CELF4: variants seen among roughly 807,000 people sequenced by gnomAD.
The protein encoded by CELF4 is CUG-BP- and ETR-3-like factor 4.
CELF4 carries 18 observed loss-of-function variants against 59.9 expected under a neutral mutation model. That is an observed-to-expected ratio of 0.30 (90% CI 0.21 to 0.45). The LOEUF is 0.45. Among genes scored for constraint, CELF4 ranks in the 20% least tolerant of loss-of-function variants. The probability of loss-of-function intolerance (pLI) is 1.00; values close to 1 mark genes in which losing one functional copy is unlikely to be tolerated. For missense variants in CELF4, 456 were observed against 689.0 expected (o/e 0.66, Z 3.79); for synonymous variants, 261 against 267.1 (o/e 0.98, Z 0.22).
At chr18:37,255,263 C>T (rs374911439) in intron 11 of CELF4, among the ~76,000 whole-genome samples, 1 of 151,954 alleles carries the variant, frequency 6.6e-6, no homozygotes, top group Non-Finnish European at 1.5e-5. Context: ...GTCTGTGGTA[C>T]CTCGGGCCTG....
chr18:37,559,336 A>G (rs1434192020), intron 1 of CELF4, among the ~76,000 whole-genome samples: 1 of 151,926 alleles, frequency 6.6e-6, no homozygotes, highest in African/African-American at 2.4e-5. Context: ...TCCAACACCC[A>G]CACAGGCTGC....
At chr18:37,353,530 A>G (rs1056805772) in intron 2 of CELF4, among the ~76,000 whole-genome samples, 5 of 151,004 alleles carry the variant, frequency 3.3e-5, no homozygotes, top group African/African-American at 1.2e-4. Context: ...GGCATGGGGG[A>G]AGAACTGTGG....
chr18:37,353,278 AG>A (rs937618071), intron 2 of CELF4, among the ~76,000 whole-genome samples: 2 of 149,564 alleles, frequency 1.3e-5, no homozygotes, highest in Non-Finnish European at 3.0e-5. Context: ...TGGGGGGCTT[AG>A]GGACCAGGGG....
chr18:37,381,424 C>G (rs1346593087), intron 2 of CELF4, among the ~76,000 whole-genome samples: 1 of 152,024 alleles, frequency 6.6e-6, no homozygotes, highest in Non-Finnish European at 1.5e-5. Context: ...TTCTGAACTC[C>G]CAGAATGCTG....
intron 3 of CELF4, among the ~76,000 whole-genome samples, chr18:37,309,011 G>A (rs910977774): frequency 2.0e-5 from 3 of 152,152 alleles, no homozygotes; most frequent in Admixed American, 6.5e-5. Context: ...ACCTGGCTGG[G>A]CTTTGACCTG....
chr18:37,294,460 A>G (rs1251122004), intron 3 of CELF4, among the ~76,000 whole-genome samples: 1 of 152,110 alleles, frequency 6.6e-6, no homozygotes, highest in Non-Finnish European at 1.5e-5. Flanking sequence ...CCCTGCTCCT[A>G]TGCATGGGTC....
chr18:37,452,677 TC>T, intron 2 of CELF4, among the ~76,000 whole-genome samples: 1 of 152,224 alleles, frequency 6.6e-6, no homozygotes, highest in African/African-American at 2.4e-5. Context: ...TCATCCTCTT[TC>T]TCTTACAGAC....
chr18:37,436,808 T>A (rs979737547), intron 2 of CELF4, among the ~76,000 whole-genome samples: 11 of 152,294 alleles, frequency 7.2e-5, no homozygotes, highest in African/African-American at 2.6e-4. Context: ...AGCCCCAGAA[T>A]CTAAACTCCC....
In CELF4 at chr18:37,416,184, ATCCATCCATCCG is replaced by A. The variant is rs1229525748; in HGVS notation, c.369+69329_369+69340del. ...CCCTTGGGGCCATTTGAGGTCATCC[ATCCATCCATCCG>A]TCCATCCATCCATCCACCCATCCAT... On this transcript the variant is annotated intron_variant, in intron 2 of 12. Coordinates refer to ENST00000420428, the MANE Select transcript of CELF4 (RefSeq NM_020180.4). 8.0e-5 allele frequency among the ~76,000 whole-genome samples: 12 copies of A among 150,156 alleles called. No homozygotes were observed. In the South Asian group the frequency reaches 2.6e-3, roughly 32 times the overall value.
chr18:37,527,976 G>C (rs1455409827), intron 1 of CELF4, among the ~76,000 whole-genome samples: 4 of 152,170 alleles, frequency 2.6e-5, no homozygotes, highest in Non-Finnish European at 5.9e-5. Flanking sequence ...TCCTAGCACA[G>C]TTTTAACACC....
intron 3 of CELF4, among the ~76,000 whole-genome samples, chr18:37,299,836 C>T (rs2095884881): frequency 6.6e-6 from 1 of 152,130 alleles, no homozygotes; most frequent in African/African-American, 2.4e-5. Context: ...CTCCAGGGTC[C>T]AGCCAGCCAG....
chr18:37,435,709 C>G (rs866431792), intron 2 of CELF4, among the ~76,000 whole-genome samples: 1 of 152,134 alleles, frequency 6.6e-6, no homozygotes, highest in Non-Finnish European at 1.5e-5. Context: ...GGCTCCCAGG[C>G]GACTCTCAGC....
At chr18:37,248,459 T>G (rs1423068704) in intron 12 of CELF4, among the ~76,000 whole-genome samples, 1 of 152,068 alleles carries the variant, frequency 6.6e-6, no homozygotes, top group Non-Finnish European at 1.5e-5. Flanking sequence ...GGGGGCCATG[T>G]GCAAGGCTGG....
At chr18:37,362,042 G>A (rs116936268) in intron 2 of CELF4, among the ~76,000 whole-genome samples, 3,916 of 152,206 alleles carry the variant, frequency 0.026, 74 homozygotes, top group Non-Finnish European at 0.041. Context: ...CCTGGGGTCC[G>A]GCCCGTGCTG....
intron 2 of CELF4, 41 bp from the exon 3 acceptor site, chr18:37,321,922 C>A (rs748690544): frequency 9.7e-6 from 15 of 1,542,186 alleles, no homozygotes; most frequent in African/African-American, 1.4e-5. Context: ...AGCAGGCCTG[C>A]GGGTGAGGGG....
At chr18:37,347,997 A>C (rs2098326882) in intron 2 of CELF4, among the ~76,000 whole-genome samples, 1 of 152,040 alleles carries the variant, frequency 6.6e-6, no homozygotes, top group Non-Finnish European at 1.5e-5. Flanking sequence ...TGAGAAACAC[A>C]AGCAGGTGGT....
At chr18:37,508,393 G>C (rs1006692494) in intron 1 of CELF4, among the ~76,000 whole-genome samples, 5 of 152,248 alleles carry the variant, frequency 3.3e-5, no homozygotes, top group Non-Finnish European at 7.3e-5. Flanking sequence ...CCCATTTGCT[G>C]TGCTAATTGC....
intron 2 of CELF4, among the ~76,000 whole-genome samples, chr18:37,394,417 C>A (rs1194236950): frequency 6.6e-6 from 1 of 152,208 alleles, no homozygotes; most frequent in African/African-American, 2.4e-5. Context: ...GTGAGCTGCC[C>A]TTGGTCCAGC....
Position 37,323,109 on chromosome 18 carries a change from A to T in CELF4, c.370-1228T>A, listed in dbSNP as rs1283500245. 2.6e-5 allele frequency among the ~76,000 whole-genome samples: 4 copies of T among 152,190 alleles called. No individual in the cohort carries two copies. In the East Asian group the frequency reaches 7.7e-4, roughly 29 times the overall value. On this transcript the variant is annotated intron_variant, in intron 2 of 12. Coordinates refer to ENST00000420428, the MANE Select transcript of CELF4 (RefSeq NM_020180.4). The stretch of plus-strand genomic sequence containing the variant: ...AGTGAGTTTTGGCTGCGTCAGGACA[A>T]CTGGGTGGGGGAGTATGGGTGCCTG...
Sources: allele counts gnomAD v4.1 joint callset (sites outside exome capture counted in the v4.1 genomes callset), GRCh38; gene constraint gnomAD v4.1.1; transcripts MANE v1.5; gene names NCBI Gene and HGNC (gene_info 2026-07-23, HGNC 2026-07-21).